The following AMN1 variants were observed in gnomAD, a reference collection of about 807,000 sequenced individuals.
The protein encoded by AMN1 is protein AMN1 homolog.
AMN1 carries 20 observed loss-of-function variants against 33.0 expected under a neutral mutation model. The observed-to-expected ratio is 0.61, with a 90% CI of 0.43 to 0.88. The LOEUF is 0.88. Ranked by LOEUF, AMN1 falls within the 40% of genes least tolerant of loss-of-function variation. The pLI is 0.00. For missense variants in AMN1, 246 were observed against 307.4 expected (o/e 0.80, Z 1.49); for synonymous variants, 114 against 111.9 (o/e 1.02, Z -0.12).
intron 2 of AMN1, chr12:31,708,424 G>A (rs537042120): frequency 6.6e-6 from 1 of 152,394 alleles, no homozygotes; most frequent in South Asian, 2.1e-4. Flanking sequence ...TGGTAAATTT[G>A]AGGTCAGACT....
intron 6 of AMN1, among the ~76,000 whole-genome samples, chr12:31,674,969 C>G (rs994728765): frequency 2.7e-5 from 4 of 150,798 alleles, no homozygotes; most frequent in African/African-American, 4.9e-5. Flanking sequence ...TTGCAGTGAG[C>G]TGAGATGGTG....
At chr12:31,689,215 G>T (rs1189448887) in intron 5 of AMN1, 97 bp from the exon 6 acceptor site, 3 of 809,450 alleles carry the variant, frequency 3.7e-6, no homozygotes, top group Non-Finnish European at 5.8e-6. Context: ...AAAAGAACCA[G>T]ATATCTACTT....
At chr12:31,697,332 C>A in intron 5 of AMN1, 29 bp downstream of exon 5, 2 of 1,584,956 alleles carry the variant, frequency 1.3e-6, no homozygotes, top group Non-Finnish European at 8.6e-7. Flanking sequence ...ATTTAATCAC[C>A]ACCATCTTTA....
upstream of AMN1, chr12:31,729,093 C>G: frequency 7.1e-7 from 1 of 1,408,056 alleles, no homozygotes; most frequent in Non-Finnish European, 9.5e-7. Context: ...GCCCACCGCG[C>G]GACGCGTAGG....
intron 6 of AMN1, among the ~76,000 whole-genome samples, chr12:31,682,313 C>T (rs987448209): frequency 6.6e-6 from 1 of 152,128 alleles, no homozygotes; most frequent in African/African-American, 2.4e-5. Context: ...CACAAGGTGG[C>T]AGTGGGACAC....
At chr12:31,690,154 G>A (rs568068873) in intron 5 of AMN1, among the ~76,000 whole-genome samples, 8 of 152,252 alleles carry the variant, frequency 5.3e-5, no homozygotes, top group East Asian at 3.9e-4. Context: ...GTATCCACTC[G>A]TTGATTGATG....
chr12:31,689,041 A>C lies in AMN1; in HGVS notation c.669T>G (p.Arg223=), dbSNP rs996864526. 6.2e-7 allele frequency: 1 copy of C among 1,613,484 alleles called. No homozygotes were observed. Among genetic ancestry groups the C allele is most frequent in the Non-Finnish European group, 8.5e-7 (1 of 1,179,614 alleles). Residue 223 remains arginine (R), a synonymous_variant, in exon 6 of 7, where the codon CGT becomes CGG. Transcript: ENST00000281471. The part of the protein sequence containing the change: ...EAVLTYCPQI[R]ILLFHGCPLI... ...AGGGGCATCCATGGAAGAGTAATAT[A>C]CGTATTTGAGGACAGTAAGTAAGGA...
chr12:31,681,199 A>ACTC (rs1477759616), intron 6 of AMN1, among the ~76,000 whole-genome samples: 2 of 152,114 alleles, frequency 1.3e-5, no homozygotes, highest in Non-Finnish European at 2.9e-5. Context: ...CTCAAGGTAG[A>ACTC]ATATATTGTA....
chr12:31,672,319 TG>T lies in AMN1; in HGVS notation c.761del (p.Thr254AsnfsTer55). On this transcript the variant is annotated frameshift_variant, in exon 7 of 7. Transcript: ENST00000281471. LOFTEE classifies it high-confidence loss of function. ...LVGPNKLKQV[T>X]WTVY is the part of the protein sequence containing the mutation. ...CAAAAAAGCATCAATAAACAGTCCATGTCACTTGCTTTAGTTTGTTTGGGCC... is the reference window on the plus strand; with the variant it reads ...CAAAAAAGCATCAATAAACAGTCCATTCACTTGCTTTAGTTTGTTTGGGCC... The T allele has an allele frequency of 6.3e-7, 1 of 1,576,654 alleles. No homozygotes were observed. The highest frequency in any genetic ancestry group is 8.6e-7 in the Non-Finnish European group (1 of 1,159,020).
At chr12:31,673,656 C>A (rs1021152876) in intron 6 of AMN1, 2 of 431,782 alleles carry the variant, frequency 4.6e-6, no homozygotes, top group African/African-American at 4.1e-5. Flanking sequence ...CAAAGCCAGA[C>A]AAAGACATCA....
chr12:31,677,590 A>G (rs1937786510), intron 6 of AMN1, among the ~76,000 whole-genome samples: 1 of 152,182 alleles, frequency 6.6e-6, no homozygotes, highest in Admixed American at 6.5e-5. Context: ...AGTTGTATAG[A>G]TGACCTTGTT....
chr12:31,689,207 A>G (rs1477486715), intron 5 of AMN1, 89 bp from the exon 6 acceptor site: 2 of 894,734 alleles, frequency 2.2e-6, no homozygotes, highest in African/African-American at 1.7e-5. Flanking sequence ...CTGATACAAA[A>G]AGAACCAGAT....
intron 6 of AMN1, among the ~76,000 whole-genome samples, chr12:31,682,080 G>T (rs566184734): frequency 7.9e-5 from 12 of 152,182 alleles, no homozygotes; most frequent in Admixed American, 4.6e-4. Context: ...TCAAAAAAGT[G>T]TTCTGTGCTA....
At chr12:31,674,041 G>A (rs1951335596) in intron 6 of AMN1, among the ~76,000 whole-genome samples, 1 of 151,836 alleles carries the variant, frequency 6.6e-6, no homozygotes, top group Non-Finnish European at 1.5e-5. Context: ...GCTCTACAGG[G>A]GAATCTACTT....
rs1939021010 is a variant in AMN1, at chr12:31,701,912, T to A, written c.267A>T (p.Lys89Asn). The change falls in exon 3 of 7, where the codon AAA becomes AAT. Residue 89 changes from lysine to asparagine, a missense_variant. Lys to Asn is a moderately conservative substitution (Grantham distance 94, BLOSUM62 0). Transcript: ENST00000281471. ...LHLSNCRKLKKLNLNASKGNR... is the reference protein window; with the variant it reads ...LHLSNCRKLKNLNLNASKGNR... ...TCCCTTTTGAAGCATTTAAATTTAATTTCTTCAGTTTTCTACAGTTAGACA... is the reference window on the plus strand; with the variant it reads ...TCCCTTTTGAAGCATTTAAATTTAAATTCTTCAGTTTTCTACAGTTAGACA... The A allele has an allele frequency of 6.2e-7, 1 of 1,608,162 alleles. No individual in the cohort carries two copies. The highest frequency in any genetic ancestry group is 1.3e-5 in the African/African-American group (1 of 74,582).
Position 31,672,223 on chromosome 12 carries a change from A to G in AMN1, c.*81T>C. 1 of 892,408 alleles carries G rather than the reference A, an allele frequency of 1.1e-6. No individual in the cohort carries two copies. Among genetic ancestry groups the G allele is most frequent in the Non-Finnish European group, 1.8e-6 (1 of 558,320 alleles). 55.3% of individuals were successfully genotyped at this position (892,408 alleles called of 1,614,324 possible). A position where few individuals can be genotyped will look rare whatever the true frequency, so the allele number is the denominator to read the frequency against. ...ATTAAAAATAGTGTTAACATTAAGT[A>G]GAATGCAAATCTCTATAGATGGTTT... On this transcript the variant is annotated 3_prime_UTR_variant, in exon 7 of 7. Coordinates refer to ENST00000281471, the MANE Select transcript of AMN1 (RefSeq NM_001113402.2).
intron 2 of AMN1, among the ~76,000 whole-genome samples, chr12:31,704,633 T>C (rs1177110047): frequency 1.3e-5 from 2 of 152,202 alleles, no homozygotes; most frequent in Non-Finnish European, 2.9e-5. Context: ...AAAAGATTTA[T>C]GAAATACTTC....
At chr12:31,686,947 C>T (rs1268447007) in intron 6 of AMN1, among the ~76,000 whole-genome samples, 1 of 152,080 alleles carries the variant, frequency 6.6e-6, no homozygotes. Flanking sequence ...CATTTTTTTT[C>T]CTACTCTTGT....
At chr12:31,703,652 G>T (rs199537134) in intron 2 of AMN1, among the ~76,000 whole-genome samples, 2 of 152,204 alleles carry the variant, frequency 1.3e-5, no homozygotes, top group South Asian at 4.1e-4. Flanking sequence ...TATTCATTTT[G>T]ATGTTTTTTG....
Sources: gnomAD v4.1 joint callset for allele counts (sites outside exome capture counted in the v4.1 genomes callset) on GRCh38, gnomAD v4.1.1 for gene constraint, MANE v1.5 for transcripts, NCBI Gene and HGNC (gene_info 2026-07-23, HGNC 2026-07-21) for gene names.